The following KALRN variants were observed in gnomAD, a reference collection of about 807,000 sequenced individuals.
The protein encoded by KALRN is kalirin RhoGEF kinase, also known as kalirin.
KALRN carries 70 observed loss-of-function variants against 353.7 expected under a neutral mutation model. The observed-to-expected ratio is 0.20, with a 90% CI of 0.16 to 0.24. KALRN has a LOEUF of 0.24. Among genes scored for constraint, KALRN ranks in the 10% least tolerant of loss-of-function variants. The pLI is 1.00. For missense variants in KALRN, 2,791 were observed against 3,756.7 expected (o/e 0.74, Z 6.72); for synonymous variants, 1,391 against 1,434.8 (o/e 0.97, Z 0.69).
intron 6 of KALRN, among the ~76,000 whole-genome samples, chr3:124,314,228 T>A (rs1404864934): frequency 6.6e-6 from 1 of 151,946 alleles, no homozygotes; most frequent in East Asian, 1.9e-4. Context: ...GAAACCATCA[T>A]TCTGAGCAAA....
chr3:124,097,673 G>A (rs993145380), intron 1 of KALRN, among the ~76,000 whole-genome samples: 22 of 152,202 alleles, frequency 1.4e-4, no homozygotes, highest in African/African-American at 2.7e-4. Context: ...AAATAACAGC[G>A]TAGGCTTGAT....
Position 124,710,471 on chromosome 3 carries a change from C to CTATATTAAATTGA in KALRN, c.8076-2454_8076-2442dup, listed in dbSNP as rs1441758900. ...GTAAATATTTCAATAATCTGCTAAA[C>CTATATTAAATTGA]TATATTAAATTGATATATTAAACTG... On this transcript the variant is annotated intron_variant, in intron 57 of 59. Coordinates refer to ENST00000682506, the MANE Select transcript of KALRN (RefSeq NM_001388419.1). 2.0e-5 allele frequency among the ~76,000 whole-genome samples: 3 copies of CTATATTAAATTGA among 152,288 alleles called. No individual in the cohort carries two copies. In the East Asian group the frequency reaches 5.8e-4, roughly 29 times the overall value.
At chr3:124,084,053 C>T (rs2060677908) in intron 1 of KALRN, among the ~76,000 whole-genome samples, 1 of 152,176 alleles carries the variant, frequency 6.6e-6, no homozygotes, top group African/African-American at 2.4e-5. Flanking sequence ...AGATTCCCAT[C>T]CCTAAATGGG....
At chr3:124,452,153 T>C (rs1480842406) in intron 21 of KALRN, among the ~76,000 whole-genome samples, 1 of 152,214 alleles carries the variant, frequency 6.6e-6, no homozygotes, top group African/African-American at 2.4e-5. Flanking sequence ...ATCACCTATG[T>C]ATAAGAAACC....
chr3:124,375,995 A>G (rs1020435017), intron 10 of KALRN, among the ~76,000 whole-genome samples: 1 of 152,222 alleles, frequency 6.6e-6, no homozygotes, highest in African/African-American at 2.4e-5. Context: ...ACTTTAAAAA[A>G]AATGTGGAGT....
chr3:124,666,557 G>A lies in KALRN; in HGVS notation c.6454G>A (p.Glu2152Lys), dbSNP rs767728290. The part of the protein sequence containing the change: ...RTKERRVFLF[E>K]QIVIFSELLR... ...CAAAGAGAGGCGCGTGTTCCTCTTC[G>A]AGCAGATTGTCATCTTCAGTGAACT... is the stretch of plus-strand genomic sequence containing the variant. The change falls in exon 46 of 60, where the codon GAG becomes AAG. Residue 2152 changes from glutamate to lysine, a missense_variant. Coordinates refer to ENST00000682506, the MANE Select transcript of KALRN (RefSeq NM_001388419.1). 13 of 1,613,998 alleles carry A rather than the reference G, an allele frequency of 8.1e-6. No individual in the cohort carries two copies. Among genetic ancestry groups the A allele is most frequent in the South Asian group, 6.6e-5 (6 of 91,062 alleles).
chr3:124,109,953 A>G lies in KALRN; in HGVS notation c.73+76140A>G, dbSNP rs1284362717. Among the ~76,000 whole-genome samples, 7 of 34,186 alleles carry G rather than the reference A, an allele frequency of 2.0e-4. 2 individuals are homozygous for G. Among genetic ancestry groups the G allele is most frequent in the African/African-American group, 5.0e-4 (7 of 14,028 alleles). 22.4% of individuals were successfully genotyped at this position (34,186 alleles called of 152,430 possible). A position where few individuals can be genotyped will look rare whatever the true frequency, so the allele number is the denominator to read the frequency against. On this transcript the variant is annotated intron_variant, in intron 1 of 59. Transcript: ENST00000682506. ...TATATGTCATACTTTGATATATATG[A>G]CATATATGTCATACTTTGATATATA...
chr3:124,269,332 A>G (rs956929860), intron 5 of KALRN, 77 bp downstream of exon 5: 15 of 1,433,690 alleles, frequency 1.0e-5, no homozygotes, highest in African/African-American at 1.4e-5. Context: ...TTTCTGATTA[A>G]TGATAGTACT....
intron 34 of KALRN, among the ~76,000 whole-genome samples, chr3:124,581,391 C>CTAAAAA (rs2074615711): frequency 7.3e-6 from 1 of 137,468 alleles, no homozygotes. Context: ...AGACTCTGCT[C>CTAAAAA]AAAAAAAAAA....
chr3:124,157,570 T>C (rs2069188663), intron 1 of KALRN, among the ~76,000 whole-genome samples: 1 of 152,258 alleles, frequency 6.6e-6, no homozygotes, highest in African/African-American at 2.4e-5. Flanking sequence ...ATTCAATGTA[T>C]AAATACCTTT....
intron 42 of KALRN, among the ~76,000 whole-genome samples, chr3:124,658,850 G>A (rs1199017077): frequency 2.0e-5 from 3 of 152,128 alleles, no homozygotes; most frequent in Non-Finnish European, 4.4e-5. Flanking sequence ...AGTCCCCCAG[G>A]GACCACTTAC....
chr3:124,632,703 G>T lies in KALRN; in HGVS notation c.5466G>T (p.Glu1822Asp). ...ETTPQGDSAD[E>D]SKKGWGEDEP... ...CCCCTCAGGGAGACAGCGCTGATGA[G>T]GTACTTACAGGGGGCCCTGGAGTTG... Residue 1822 changes from glutamate to aspartate, a missense_variant and splice_region_variant, in exon 35 of 60, where the codon GAG becomes GAT. This residue lies in a region of KALRN where 1,065 missense variants were observed against 1,156.4 expected (regional missense o/e 0.92). Coordinates refer to ENST00000682506, the MANE Select transcript of KALRN (RefSeq NM_001388419.1). 1.9e-6 allele frequency: 3 copies of T among 1,612,914 alleles called. No homozygotes were observed. Among genetic ancestry groups the T allele is most frequent in the Non-Finnish European group, 2.5e-6 (3 of 1,179,166 alleles).
chr3:124,329,558 A>G (rs2080289568), intron 7 of KALRN, among the ~76,000 whole-genome samples: 1 of 152,174 alleles, frequency 6.6e-6, no homozygotes, highest in Non-Finnish European at 1.5e-5. Context: ...CTGTTTCCAT[A>G]CCTGGACATT....
chr3:124,090,996 C>T (rs1032569484), intron 1 of KALRN, among the ~76,000 whole-genome samples: 5 of 152,162 alleles, frequency 3.3e-5, no homozygotes, highest in Admixed American at 1.3e-4. Context: ...CTAAGAAGCC[C>T]GTTCACCTGG....
intron 34 of KALRN, among the ~76,000 whole-genome samples, chr3:124,591,862 T>C (rs115325254): frequency 0.011 from 1,612 of 152,232 alleles, 37 homozygotes; most frequent in African/African-American, 0.037. Context: ...TGCTGTGGAG[T>C]TGTCACTGTG....
At chr3:124,224,950 G>T (rs9840270) in intron 1 of KALRN, among the ~76,000 whole-genome samples, 7,085 of 152,226 alleles carry the variant, frequency 0.047, 547 homozygotes, top group African/African-American at 0.16. Flanking sequence ...ATTTTAGGAA[G>T]GGTCAACATT....
intron 1 of KALRN, among the ~76,000 whole-genome samples, chr3:124,059,738 T>G (rs1254962577): frequency 6.6e-6 from 1 of 152,184 alleles, no homozygotes; most frequent in East Asian, 1.9e-4. Context: ...TCATAGAAAT[T>G]GCCTCAAATC....
At chr3:124,149,230 C>G (rs2067760776) in intron 1 of KALRN, among the ~76,000 whole-genome samples, 1 of 152,166 alleles carries the variant, frequency 6.6e-6, no homozygotes, top group Non-Finnish European at 1.5e-5. Context: ...ACTTGTATGT[C>G]TCATAACCAC....
intron 33 of KALRN, among the ~76,000 whole-genome samples, chr3:124,517,484 G>A (rs758075917): frequency 3.8e-4 from 58 of 152,198 alleles, no homozygotes; most frequent in Non-Finnish European, 7.8e-4. Context: ...AATTGATCCT[G>A]AACTTTTCTT....
Sources: gnomAD v4.1 joint callset for allele counts (sites outside exome capture counted in the v4.1 genomes callset) on GRCh38, gnomAD v4.1.1 for gene constraint, gnomAD v4.1.1 regional missense constraint, MANE v1.5 for transcripts, NCBI Gene and HGNC (gene_info 2026-07-23, HGNC 2026-07-21) for gene names.